The following NMNAT2 variants were observed in gnomAD, a reference collection of about 807,000 sequenced individuals.
The protein encoded by NMNAT2 is nicotinamide nucleotide adenylyltransferase 2.
Under a neutral mutation model 41.6 loss-of-function variants are expected in NMNAT2, and 11 were observed. That is an observed-to-expected ratio of 0.26 (90% CI 0.17 to 0.44). The LOEUF is 0.44. Ranked by LOEUF, NMNAT2 falls within the 20% of genes least tolerant of loss-of-function variation. NMNAT2 has a pLI of 1.00. For missense variants in NMNAT2, 288 were observed against 407.7 expected, an observed-to-expected ratio of 0.71 and a Z score of 2.53; for synonymous variants, 148 against 151.2, an observed-to-expected ratio of 0.98 and a Z score of 0.16.
chr1:183,250,212 C>A lies in NMNAT2; in HGVS notation c.*2429G>T, dbSNP rs761574113. The A allele has an allele frequency of 6.6e-6, 1 of 152,186 alleles. No individual in the cohort carries two copies. The highest frequency in any genetic ancestry group is 1.5e-5 in the Non-Finnish European group (1 of 68,046). 9.4% of individuals were successfully genotyped at this position (152,186 alleles called of 1,614,324 possible). On this transcript the variant is annotated 3_prime_UTR_variant, in exon 11 of 11. Transcript: ENST00000287713. ...CTGTTCTGCCTGGACAAGGCTGTTC[C>A]ATCTTTCGCTCTCCAGCAATAGCAT... is the stretch of plus-strand genomic sequence containing the variant.
At chr1:183,295,431 C>A (rs1661664757) in intron 1 of NMNAT2, among the ~76,000 whole-genome samples, 1 of 152,120 alleles carries the variant, frequency 6.6e-6, no homozygotes, top group Non-Finnish European at 1.5e-5. Flanking sequence ...CAGACCCCTC[C>A]CACCTTTTTA....
intron 8 of NMNAT2, among the ~76,000 whole-genome samples, chr1:183,277,117 G>A (rs1661142042): frequency 6.6e-6 from 1 of 152,092 alleles, no homozygotes. Flanking sequence ...TACCATTTAA[G>A]CCTTCCAAAC....
At chr1:183,330,205 C>G (rs1344118440) in intron 1 of NMNAT2, among the ~76,000 whole-genome samples, 1 of 152,200 alleles carries the variant, frequency 6.6e-6, no homozygotes. Context: ...GTATCCATCA[C>G]ATAGGATTGT....
chr1:183,300,351 G>A (rs960558758), intron 1 of NMNAT2, among the ~76,000 whole-genome samples: 4 of 151,226 alleles, frequency 2.6e-5, no homozygotes, highest in Admixed American at 6.6e-5. Flanking sequence ...GCAGTGAGCC[G>A]AGATTGCACC....
At chr1:183,259,285 C>T (rs532583529) in intron 10 of NMNAT2, among the ~76,000 whole-genome samples, 131 of 152,282 alleles carry the variant, frequency 8.6e-4, no homozygotes, top group Non-Finnish European at 1.2e-3. Flanking sequence ...TGCCCCTCTC[C>T]GCTTATTGCC....
At chr1:183,270,051 T>C (rs2102289506) in intron 8 of NMNAT2, among the ~76,000 whole-genome samples, 1 of 152,162 alleles carries the variant, frequency 6.6e-6, no homozygotes, top group Non-Finnish European at 1.5e-5. Flanking sequence ...GCCCGGCTAA[T>C]TTTTTTGTAT....
In NMNAT2 at chr1:183,249,747, G is replaced by A. The variant is rs201759238; in HGVS notation, c.*2894C>T. ...TGTGTGTGTGTTTGGGGGGTAGGGG[G>A]TGCGGCGATGGGAATGGATGATTCT... is the stretch of plus-strand genomic sequence containing the variant. On this transcript the variant is annotated 3_prime_UTR_variant, in exon 11 of 11. Transcript: ENST00000287713. 2 of 152,922 alleles carry A rather than the reference G, an allele frequency of 1.3e-5. No individual in the cohort carries two copies. Among genetic ancestry groups the A allele is most frequent in the Non-Finnish European group, 2.9e-5 (2 of 69,264 alleles). 9.5% of individuals were successfully genotyped at this position (152,922 alleles called of 1,614,324 possible). A position where few individuals can be genotyped will look rare whatever the true frequency, so the allele number is the denominator to read the frequency against.
intron 1 of NMNAT2, among the ~76,000 whole-genome samples, chr1:183,339,980 G>T (rs979923369): frequency 6.6e-6 from 1 of 151,840 alleles, no homozygotes; most frequent in Admixed American, 6.5e-5. Flanking sequence ...GGGGAATGTC[G>T]GTTGCCGTAG....
intron 7 of NMNAT2, among the ~76,000 whole-genome samples, chr1:183,282,478 C>T (rs961214406): frequency 3.9e-5 from 6 of 152,236 alleles, no homozygotes; most frequent in Admixed American, 3.3e-4. Flanking sequence ...GATCCACCTG[C>T]CCCAGGCGCT....
chr1:183,412,240 T>C (rs1649137289), intron 1 of NMNAT2, among the ~76,000 whole-genome samples: 1 of 152,260 alleles, frequency 6.6e-6, no homozygotes, highest in Admixed American at 6.5e-5. Flanking sequence ...TGTTTGTTTA[T>C]TGAGACGGAG....
intron 3 of NMNAT2, chr1:183,290,803 T>C (rs529245875): frequency 1.3e-5 from 2 of 152,286 alleles, no homozygotes; most frequent in Non-Finnish European, 2.9e-5. Flanking sequence ...AGGTGAGACA[T>C]GACAGTCAGA....
chr1:183,347,996 A>G (rs1662968925), intron 1 of NMNAT2, among the ~76,000 whole-genome samples: 1 of 152,076 alleles, frequency 6.6e-6, no homozygotes, highest in African/African-American at 2.4e-5. Flanking sequence ...GATTCCTGAT[A>G]TACCTCCCCC....
At chr1:183,275,512 G>A (rs1039453134) in intron 8 of NMNAT2, among the ~76,000 whole-genome samples, 1 of 151,562 alleles carries the variant, frequency 6.6e-6, no homozygotes, top group African/African-American at 2.4e-5. Flanking sequence ...TGCTGCCTCT[G>A]CAGGGGACTG....
chr1:183,363,579 T>TACACACACACACACACAC (rs146304060), intron 1 of NMNAT2, among the ~76,000 whole-genome samples: 4 of 147,482 alleles, frequency 2.7e-5, no homozygotes, highest in African/African-American at 1.0e-4. Flanking sequence ...CACACACACA[T>TACACACACACACACACAC]ACACACACAC....
At chr1:183,379,676 C>T (rs1448174469) in intron 1 of NMNAT2, among the ~76,000 whole-genome samples, 2 of 152,098 alleles carry the variant, frequency 1.3e-5, no homozygotes, top group African/African-American at 4.8e-5. Context: ...ACCAAGAAGA[C>T]ATAACAATCC....
At chr1:183,366,951 C>T (rs1054077408) in intron 1 of NMNAT2, among the ~76,000 whole-genome samples, 2 of 152,180 alleles carry the variant, frequency 1.3e-5, no homozygotes, top group Non-Finnish European at 1.5e-5. Flanking sequence ...GCACCACCCC[C>T]AGTGGAGTGA....
rs76869166 is a variant in NMNAT2 at position 183,283,654 on chromosome 1, C to A, written c.574+341G>T. On this transcript the variant is annotated intron_variant, in intron 7 of 10. Transcript: ENST00000287713. ...GAGGAAGGCCGGGGTGCTCTTCTGC[C>A]TCATTTGTGTGCAGTGTCTGTGCCC... 660 of 364,176 alleles carry A rather than the reference C, an allele frequency of 1.8e-3. 6 individuals are homozygous for A. Among genetic ancestry groups the A allele is most frequent in the African/African-American group, 0.013 (622 of 47,356 alleles). The allele number at this position is 364,176 out of a possible 1,614,324, so 22.6% of individuals were successfully genotyped here.
chr1:183,360,709 A>G (rs1358895857), intron 1 of NMNAT2, among the ~76,000 whole-genome samples: 1 of 152,242 alleles, frequency 6.6e-6, no homozygotes, highest in Non-Finnish European at 1.5e-5. Flanking sequence ...TAAAATTGGC[A>G]GTGTGCCTCT....
intron 7 of NMNAT2, among the ~76,000 whole-genome samples, chr1:183,280,685 G>A (rs1661240004): frequency 6.6e-6 from 1 of 151,676 alleles, no homozygotes; most frequent in South Asian, 2.1e-4. Flanking sequence ...ACTACACTCG[G>A]CATGTAAACT....
Sources: allele counts gnomAD v4.1 joint callset (sites outside exome capture counted in the v4.1 genomes callset), GRCh38; gene constraint gnomAD v4.1.1; transcripts MANE v1.5; gene names NCBI Gene and HGNC (gene_info 2026-07-23, HGNC 2026-07-21).